The following RBM20 variants were observed in gnomAD, a reference collection of about 807,000 sequenced individuals.
RBM20 encodes the protein RNA-binding protein 20.
Under a neutral mutation model 110.1 loss-of-function variants are expected in RBM20, and 51 were observed. The ratio of observed to expected loss-of-function variants is 0.46; its 90% CI spans 0.37 to 0.59. The LOEUF (loss-of-function observed/expected upper bound fraction) is 0.59, where lower values mean the gene tolerates loss of function less well. Ranked by LOEUF, RBM20 falls within the 20% of genes least tolerant of loss-of-function variation. RBM20 has a pLI of 0.00. For synonymous variants in RBM20, 589 were observed against 618.2 expected, an observed-to-expected ratio of 0.95 and a Z score of 0.70; for missense variants, 1,512 against 1,574.9, an observed-to-expected ratio of 0.96 and a Z score of 0.68.
chr10:110,761,530 C>T (rs945517651), intron 1 of RBM20, among the ~76,000 whole-genome samples: 1 of 152,224 alleles, frequency 6.6e-6, no homozygotes, highest in Non-Finnish European at 1.5e-5. Context: ...GACTCAGTAA[C>T]GGTTGAAGGT....
At chr10:110,806,331 C>T (rs935705070) in intron 7 of RBM20, among the ~76,000 whole-genome samples, 21 of 152,000 alleles carry the variant, frequency 1.4e-4, no homozygotes, top group Non-Finnish European at 1.9e-4. Context: ...TTAATTGGCT[C>T]ATGGTTCCAC....
chr10:110,807,862 G>A (rs1228210167), intron 7 of RBM20, among the ~76,000 whole-genome samples: 2 of 152,228 alleles, frequency 1.3e-5, no homozygotes, highest in Non-Finnish European at 2.9e-5. Flanking sequence ...CAGTCTGGGG[G>A]CACATTCTTT....
intron 13 of RBM20, among the ~76,000 whole-genome samples, chr10:110,833,502 G>T (rs1845084497): frequency 6.6e-6 from 1 of 151,732 alleles, no homozygotes; most frequent in Admixed American, 6.6e-5. Flanking sequence ...CTTATATCAG[G>T]CTCTGATAGT....
chr10:110,765,425 C>G (rs138395691), intron 1 of RBM20, among the ~76,000 whole-genome samples: 7 of 152,180 alleles, frequency 4.6e-5, no homozygotes, highest in African/African-American at 1.4e-4. Context: ...AGAATAGCTT[C>G]TGAGCACCCC....
At chr10:110,822,843 T>C (rs1436234268) in intron 11 of RBM20, among the ~76,000 whole-genome samples, 3 of 151,996 alleles carry the variant, frequency 2.0e-5, no homozygotes, top group African/African-American at 4.8e-5. Flanking sequence ...CGGATCTGAG[T>C]TTCCATGGAA....
chr10:110,727,965 T>C (rs1162018271), intron 1 of RBM20, among the ~76,000 whole-genome samples: 1 of 152,250 alleles, frequency 6.6e-6, no homozygotes, highest in Non-Finnish European at 1.5e-5. Context: ...TCCATGTCTC[T>C]GCAAAGGACA....
At chr10:110,735,433 G>A (rs1843660416) in intron 1 of RBM20, among the ~76,000 whole-genome samples, 1 of 152,168 alleles carries the variant, frequency 6.6e-6, no homozygotes, top group Non-Finnish European at 1.5e-5. Context: ...TGAAGAGATT[G>A]TAGCCTGTCT....
chr10:110,788,661 T>C (rs1237420936), intron 5 of RBM20, among the ~76,000 whole-genome samples: 1 of 152,200 alleles, frequency 6.6e-6, no homozygotes, highest in East Asian at 1.9e-4. Context: ...TGCGAGAACA[T>C]TGACATTTGA....
intron 1 of RBM20, among the ~76,000 whole-genome samples, chr10:110,770,965 A>G (rs1381649244): frequency 1.3e-5 from 2 of 152,254 alleles, no homozygotes; most frequent in Non-Finnish European, 2.9e-5. Context: ...GTGGTTAGTG[A>G]TATTTACATA....
chr10:110,706,940 A>G (rs1862848519), intron 1 of RBM20, among the ~76,000 whole-genome samples: 1 of 152,186 alleles, frequency 6.6e-6, no homozygotes, highest in South Asian at 2.1e-4. Context: ...AGATCAAGCT[A>G]TTCTTATGCA....
intron 9 of RBM20, among the ~76,000 whole-genome samples, chr10:110,818,427 C>A (rs900540651): frequency 2.0e-5 from 3 of 152,120 alleles, no homozygotes. Context: ...AGACCAGTTT[C>A]GAAGTGGTTC....
chr10:110,663,315 T>C (rs983418232), intron 1 of RBM20, among the ~76,000 whole-genome samples: 4 of 152,162 alleles, frequency 2.6e-5, no homozygotes, highest in Non-Finnish European at 4.4e-5. Flanking sequence ...CACACCCTGA[T>C]ACGTAGAACA....
At chr10:110,810,351 T>C (rs1844748288) in intron 7 of RBM20, 32 bp from the exon 8 acceptor site, 1 of 1,518,252 alleles carries the variant, frequency 6.6e-7, no homozygotes, top group Non-Finnish European at 9.0e-7. Context: ...AGGCCATCTC[T>C]GATCTGATGG....
intron 1 of RBM20, among the ~76,000 whole-genome samples, chr10:110,768,836 A>C (rs1590666270): frequency 6.6e-6 from 1 of 152,264 alleles, no homozygotes. Flanking sequence ...TCTTGTTGCA[A>C]AAAATATTTA....
chr10:110,713,922 T>G lies in RBM20; in HGVS notation c.192-66879T>G, dbSNP rs12268833. ...GCTAGTTGGGAACAGTAAGAAATACTTCATTGTGAAGACTGATAATATTCA... is the reference window on the plus strand; with the variant it reads ...GCTAGTTGGGAACAGTAAGAAATACGTCATTGTGAAGACTGATAATATTCA... On this transcript the variant is annotated intron_variant, in intron 1 of 13. Coordinates refer to ENST00000369519, the MANE Select transcript of RBM20 (RefSeq NM_001134363.3). Among the ~76,000 whole-genome samples the G allele has an allele frequency of 2.8e-3, 421 of 152,342 alleles. 3 individuals are homozygous for G. Among genetic ancestry groups the G allele is most frequent in the African/African-American group, 9.9e-3 (410 of 41,570 alleles).
chr10:110,701,881 T>C (rs976719950), intron 1 of RBM20, among the ~76,000 whole-genome samples: 2 of 152,332 alleles, frequency 1.3e-5, no homozygotes, highest in African/African-American at 4.8e-5. Context: ...TTGATGCTGA[T>C]AAGGCAGAGA....
intron 1 of RBM20, among the ~76,000 whole-genome samples, chr10:110,727,419 A>AAAAAATAAAAAAAAAAAATAAAAAAAAT (rs377734576): frequency 0.095 from 13,917 of 146,380 alleles, 774 homozygotes; most frequent in Non-Finnish European, 0.11. Flanking sequence ...AAATAAAAAA[A>AAAAAATAAAAAAAAAAAATAAAAAAAAT]AAATAAATAA....
At chr10:110,749,678 G>C (rs1469709108) in intron 1 of RBM20, among the ~76,000 whole-genome samples, 1 of 152,078 alleles carries the variant, frequency 6.6e-6, no homozygotes, top group Non-Finnish European at 1.5e-5. Context: ...GAAAGCAAAT[G>C]AAAGAGCAGA....
intron 9 of RBM20, among the ~76,000 whole-genome samples, chr10:110,818,239 C>T (rs1453804215): frequency 7.2e-6 from 1 of 138,004 alleles, no homozygotes; most frequent in African/African-American, 2.6e-5. Flanking sequence ...TGCGGTGAGC[C>T]GAGATCATGC....
Sources: allele counts gnomAD v4.1 joint callset (sites outside exome capture counted in the v4.1 genomes callset), GRCh38; gene constraint gnomAD v4.1.1; transcripts MANE v1.5; gene names NCBI Gene and HGNC (gene_info 2026-07-23, HGNC 2026-07-21).